SCFD1: variants seen among roughly 807,000 people sequenced by gnomAD.
The protein encoded by SCFD1 is sec1 family domain-containing protein 1.
SCFD1 carries 37 observed loss-of-function variants against 103.2 expected under a neutral mutation model. The observed-to-expected ratio is 0.36, with a 90% CI of 0.28 to 0.47. SCFD1 has a LOEUF of 0.47. SCFD1 is among the 20% of genes least tolerant of loss of function. The pLI, the probability that SCFD1 is intolerant of heterozygous loss-of-function variation, is 1.00. For synonymous variants in SCFD1, 264 were observed against 245.0 expected (o/e 1.08, Z -0.73); for missense variants, 639 against 761.2 (o/e 0.84, Z 1.89).
At chr14:30,647,592 TTTGTTG>T (rs923384582) in intron 7 of SCFD1, among the ~76,000 whole-genome samples, 1 of 152,008 alleles carries the variant, frequency 6.6e-6, no homozygotes, top group Non-Finnish European at 1.5e-5. Flanking sequence ...CCTCATATGG[TTTGTTG>T]TTGTTGTTGT....
intron 8 of SCFD1, among the ~76,000 whole-genome samples, chr14:30,650,170 CT>C (rs1886262928): frequency 6.6e-6 from 1 of 152,156 alleles, no homozygotes; most frequent in African/African-American, 2.4e-5. Flanking sequence ...TCTTCTGAGG[CT>C]TCTTGTACCC....
At position 30,661,840 on chromosome 14, in the gene SCFD1, T is replaced by TATTTA. The variant is rs1385305578; in HGVS notation, c.855+8252_855+8253insATTTA. Among the ~76,000 whole-genome samples the TATTTA allele has an allele frequency of 2.0e-5, 3 of 152,170 alleles. No homozygotes were observed. In the East Asian group the frequency reaches 5.8e-4, roughly 29 times the overall value. On this transcript the variant is annotated intron_variant, in intron 10 of 24. Coordinates refer to ENST00000458591, the MANE Select transcript of SCFD1 (RefSeq NM_016106.4). ...GGGATGAGCTTTGAAAAATAAATTT[T>TATTTA]TCACATAATGCTTTAATTTTCCCTA...
Position 30,719,486 on chromosome 14 carries a change from C to CT in SCFD1, c.1736+110dup. The CT allele has an allele frequency of 4.1e-6, 3 of 725,074 alleles. No homozygotes were observed. In the South Asian group the frequency reaches 5.0e-5, roughly 12 times the overall value. The allele number at this position is 725,074 out of a possible 1,614,324, so 44.9% of individuals were successfully genotyped here. On this transcript the variant is annotated intron_variant, in intron 21 of 24. Transcript: ENST00000458591. ...TTAAAAATCCAAACTATATGGAAAA[C>CT]TCGTAAGGAAACAAGGATGTATAAT...
At chr14:30,665,169 G>A (rs192396917) in intron 10 of SCFD1, among the ~76,000 whole-genome samples, 9 of 152,344 alleles carry the variant, frequency 5.9e-5, no homozygotes, top group South Asian at 2.1e-4. Context: ...ACAGAGGGAA[G>A]CCCATCCGAC....
intron 20 of SCFD1, among the ~76,000 whole-genome samples, chr14:30,718,834 A>C (rs1204175305): frequency 6.6e-6 from 1 of 152,186 alleles, no homozygotes; most frequent in Non-Finnish European, 1.5e-5. Flanking sequence ...GTTTACTGAG[A>C]GTGCTATGAT....
chr14:30,673,094 T>C (rs891754802), intron 11 of SCFD1, among the ~76,000 whole-genome samples, 163 bp from the exon 12 acceptor site: 20 of 152,138 alleles, frequency 1.3e-4, no homozygotes, highest in African/African-American at 4.8e-4. Flanking sequence ...GATATGTAGT[T>C]GTATTTGTGC....
chr14:30,673,305 C>T lies in SCFD1; in HGVS notation c.1044C>T (p.Tyr348=). 1 of 1,599,362 alleles carries T rather than the reference C, an allele frequency of 6.3e-7. No homozygotes were observed. The highest frequency in any genetic ancestry group is 1.1e-5 in the South Asian group (1 of 89,246). The change falls in exon 12 of 25, where the codon TAC becomes TAT. Residue 348 remains tyrosine (Y), a synonymous_variant. Transcript: ENST00000458591. ...CAGTTCAGCAAGAACTAGAATCTTA[C>T]AGAGCACAGGAAGATGAGGTCAAAC... ...AESVQQELES[Y]RAQEDEVKRL...
At chr14:30,677,708 TGCTG>T (rs970111949) in intron 14 of SCFD1, among the ~76,000 whole-genome samples, 1 of 152,002 alleles carries the variant, frequency 6.6e-6, no homozygotes, top group Non-Finnish European at 1.5e-5. Context: ...AGCCACCTAC[TGCTG>T]GCTGTGTTAA....
chr14:30,731,097 T>C (rs1016493263), intron 23 of SCFD1, among the ~76,000 whole-genome samples: 3 of 152,230 alleles, frequency 2.0e-5, no homozygotes, highest in African/African-American at 7.2e-5. Context: ...GCACCATTTA[T>C]TAAATAGGGA....
chr14:30,721,879 T>A lies in SCFD1; in HGVS notation c.1737-5T>A. On this transcript the variant is annotated splice_region_variant and splice_polypyrimidine_tract_variant and intron_variant, in intron 21 of 24. Transcript: ENST00000458591. ...AATTTTCATTACGGTTTTTCTTTAT[T>A]ACAGCTCAGTTCCCAGAAATAAAAA... is the stretch of plus-strand genomic sequence containing the variant. 6.2e-7 allele frequency: 1 copy of A among 1,608,028 alleles called. No individual in the cohort carries two copies. Among genetic ancestry groups the A allele is most frequent in the East Asian group, 2.2e-5 (1 of 44,780 alleles).
In SCFD1 at chr14:30,642,339, C is replaced by T. The variant is rs188600016; in HGVS notation, c.524-977C>T. On this transcript the variant is annotated intron_variant, in intron 6 of 24. Transcript: ENST00000458591. ...CTCCTAACCTTAGGTGATCTGCCCCCTCAGCCTCCCAGAGTGCTGGGATTA... is the reference window on the plus strand; with the variant it reads ...CTCCTAACCTTAGGTGATCTGCCCCTTCAGCCTCCCAGAGTGCTGGGATTA... Among the ~76,000 whole-genome samples, 1,018 of 152,326 alleles carry T rather than the reference C, an allele frequency of 6.7e-3. 8 individuals are homozygous for T. Among genetic ancestry groups the T allele is most frequent in the Non-Finnish European group, 0.011 (736 of 68,026 alleles).
At chr14:30,734,427 G>A (rs1042500283) in intron 23 of SCFD1, 9 of 234,294 alleles carry the variant, frequency 3.8e-5, no homozygotes, top group East Asian at 2.9e-4. Context: ...AAAGAAACTC[G>A]AATGTATTCT....
chr14:30,681,095 C>G (rs1181736522), intron 14 of SCFD1, among the ~76,000 whole-genome samples: 1 of 151,906 alleles, frequency 6.6e-6, no homozygotes, highest in East Asian at 1.9e-4. Context: ...AACATGGTGG[C>G]GCACACCTGT....
intron 1 of SCFD1, among the ~76,000 whole-genome samples, chr14:30,624,867 C>G (rs558430197): frequency 6.6e-6 from 1 of 152,176 alleles, no homozygotes; most frequent in South Asian, 2.1e-4. Context: ...ACCTTCGAGC[C>G]TTTGTATTTG....
At chr14:30,682,764 G>A (rs552359387) in intron 14 of SCFD1, among the ~76,000 whole-genome samples, 12 of 152,148 alleles carry the variant, frequency 7.9e-5, no homozygotes, top group South Asian at 2.1e-4. Context: ...AGAAGAAACA[G>A]GAATGGCTAG....
intron 7 of SCFD1, among the ~76,000 whole-genome samples, chr14:30,644,639 A>C (rs1015318478): frequency 1.3e-5 from 2 of 152,166 alleles, no homozygotes; most frequent in East Asian, 1.9e-4. Flanking sequence ...CTGGCCACGT[A>C]TGTCCTTTTG....
chr14:30,718,308 G>A lies in SCFD1; in HGVS notation c.1684-1017G>A, dbSNP rs994997710. ...ATACACATTCCTTCCACATTTCTCTGTCATAAACACATGGATGGCTACCTT... is the reference window on the plus strand; with the variant it reads ...ATACACATTCCTTCCACATTTCTCTATCATAAACACATGGATGGCTACCTT... On this transcript the variant is annotated intron_variant, in intron 20 of 24. Coordinates refer to ENST00000458591, the MANE Select transcript of SCFD1 (RefSeq NM_016106.4). Among the ~76,000 whole-genome samples, 3 of 152,180 alleles carry A rather than the reference G, an allele frequency of 2.0e-5. No homozygotes were observed. The South Asian group carries it at 6.2e-4, about 31-fold the overall frequency.
At chr14:30,716,068 G>A in intron 20 of SCFD1, 91 bp downstream of exon 20, 1 of 768,972 alleles carries the variant, frequency 1.3e-6, no homozygotes, top group Admixed American at 2.4e-5. Context: ...AGTTCCTTGT[G>A]AGCTTAATCA....
chr14:30,712,830 AAAC>A (rs1331430862), intron 19 of SCFD1, among the ~76,000 whole-genome samples: 6 of 152,186 alleles, frequency 3.9e-5, no homozygotes, highest in Non-Finnish European at 8.8e-5. Flanking sequence ...TTTTATTTCT[AAAC>A]AACAATTTCT....
Sources: gnomAD v4.1 joint callset for allele counts (sites outside exome capture counted in the v4.1 genomes callset) on GRCh38, gnomAD v4.1.1 for gene constraint, MANE v1.5 for transcripts, NCBI Gene and HGNC (gene_info 2026-07-23, HGNC 2026-07-21) for gene names.